BICC1: variants seen among roughly 807,000 people sequenced by gnomAD.
The protein encoded by BICC1 is protein bicaudal C homolog 1.
Under a neutral mutation model 111.0 loss-of-function variants are expected in BICC1, and 43 were observed. The observed-to-expected ratio is 0.39, with a 90% confidence interval of 0.30 to 0.50. BICC1 has a LOEUF of 0.50. Ranked by LOEUF, BICC1 falls within the 20% of genes least tolerant of loss-of-function variation. BICC1 has a pLI of 0.88. For missense variants in BICC1, 1,091 were observed against 1,203.2 expected (o/e 0.91, Z 1.38); for synonymous variants, 467 against 434.4 (o/e 1.07, Z -0.93).
intron 1 of BICC1, among the ~76,000 whole-genome samples, chr10:58,521,761 A>G (rs1475540750): frequency 1.6e-5 from 2 of 122,176 alleles, no homozygotes; most frequent in Non-Finnish European, 3.3e-5. Context: ...CAGCCAGGGA[A>G]TGTGGTGTTT....
intron 1 of BICC1, among the ~76,000 whole-genome samples, chr10:58,611,905 G>T (rs1444926416): frequency 6.6e-6 from 1 of 152,128 alleles, no homozygotes; most frequent in African/African-American, 2.4e-5. Context: ...GAAGAAGAAA[G>T]CCATCCTTAA....
intron 3 of BICC1, among the ~76,000 whole-genome samples, chr10:58,755,322 G>A (rs1842114643): frequency 6.6e-6 from 1 of 152,182 alleles, no homozygotes; most frequent in South Asian, 2.1e-4. Context: ...GGTCACCTTA[G>A]GGGAAAGGCT....
intron 3 of BICC1, among the ~76,000 whole-genome samples, chr10:58,739,727 A>G (rs966553466): frequency 6.6e-6 from 1 of 152,164 alleles, no homozygotes; most frequent in East Asian, 1.9e-4. Context: ...ATCTATATAT[A>G]GATATATGTA....
chr10:58,584,539 T>C (rs551655984), intron 1 of BICC1, among the ~76,000 whole-genome samples: 10 of 152,336 alleles, frequency 6.6e-5, no homozygotes, highest in African/African-American at 2.2e-4. Flanking sequence ...GGATCATGGC[T>C]GGGATGCTAT....
intron 2 of BICC1, among the ~76,000 whole-genome samples, chr10:58,687,569 G>A (rs1449772662): frequency 6.6e-6 from 1 of 152,118 alleles, no homozygotes; most frequent in African/African-American, 2.4e-5. Context: ...CTCAGCAATG[G>A]TAGACACCCC....
intron 3 of BICC1, among the ~76,000 whole-genome samples, chr10:58,743,706 G>T (rs1841742323): frequency 1.3e-5 from 2 of 151,368 alleles, no homozygotes; most frequent in African/African-American, 4.9e-5. Context: ...AGGTTGGTAT[G>T]CTATAGAGTC....
At chr10:58,618,224 C>T (rs1316172321) in intron 1 of BICC1, among the ~76,000 whole-genome samples, 1 of 152,178 alleles carries the variant, frequency 6.6e-6, no homozygotes, top group Non-Finnish European at 1.5e-5. Context: ...AGGCCTATGT[C>T]TCCCTTGGCC....
Position 58,829,130 on chromosome 10 carries a change from C to T in BICC1, c.*239C>T. 1 of 321,066 alleles carries T rather than the reference C, an allele frequency of 3.1e-6. No homozygotes were observed. The highest frequency in any genetic ancestry group is 5.6e-6 in the Non-Finnish European group (1 of 178,940). 19.9% of individuals were successfully genotyped at this position (321,066 alleles called of 1,614,324 possible). A position where few individuals can be genotyped will look rare whatever the true frequency, so the allele number is the denominator to read the frequency against. On this transcript the variant is annotated 3_prime_UTR_variant, in exon 21 of 21. Transcript: ENST00000373886. ...TAAAATGGCAGTTGGACAGAATTTG[C>T]AATATAAGGATAGGGCTTTATTTCC...
At chr10:58,685,768 A>G (rs918706503) in intron 2 of BICC1, among the ~76,000 whole-genome samples, 7 of 152,132 alleles carry the variant, frequency 4.6e-5, no homozygotes, top group African/African-American at 1.4e-4. Context: ...GTCTCTGCAC[A>G]TGAGATGGGT....
intron 1 of BICC1, among the ~76,000 whole-genome samples, chr10:58,547,631 C>T (rs1457874488): frequency 2.0e-5 from 3 of 152,122 alleles, no homozygotes; most frequent in Admixed American, 1.3e-4. Flanking sequence ...AATTCTTCTG[C>T]ATAAGAGATT....
At chr10:58,522,723 T>G (rs1035531612) in intron 1 of BICC1, among the ~76,000 whole-genome samples, 12 of 151,636 alleles carry the variant, frequency 7.9e-5, no homozygotes, top group Admixed American at 7.2e-4. Context: ...CTGAAGGAAA[T>G]AGAGACACAA....
chr10:58,579,215 C>A (rs573932431), intron 1 of BICC1, among the ~76,000 whole-genome samples: 1 of 152,110 alleles, frequency 6.6e-6, no homozygotes, highest in Non-Finnish European at 1.5e-5. Context: ...GGCTTCCTTG[C>A]GACATTCCTT....
intron 1 of BICC1, among the ~76,000 whole-genome samples, chr10:58,607,629 CTT>C (rs1355495397): frequency 6.6e-6 from 1 of 152,088 alleles, no homozygotes; most frequent in Admixed American, 6.5e-5. Flanking sequence ...ACTTTCTTCT[CTT>C]TGTCATTTCC....
rs1840762871 is a variant in BICC1, at chr10:58,716,903, T to C, written c.307+14760T>C. On this transcript the variant is annotated intron_variant, in intron 3 of 20. Transcript: ENST00000373886. ...AGGTCAGAGCTGGCTACCAGCAGTC[T>C]TGCCCTTTACTGAGCTTAGTGTCAT... Among the ~76,000 whole-genome samples, 5 of 151,426 alleles carry C rather than the reference T, an allele frequency of 3.3e-5. No individual in the cohort carries two copies. The South Asian group carries it at 1.0e-3, about 31-fold the overall frequency.
intron 1 of BICC1, among the ~76,000 whole-genome samples, chr10:58,556,151 A>G (rs1023139841): frequency 1.8e-4 from 28 of 152,192 alleles, no homozygotes; most frequent in African/African-American, 5.8e-4. Flanking sequence ...GTTGAGTTTA[A>G]AATGCTAGTC....
intron 1 of BICC1, among the ~76,000 whole-genome samples, chr10:58,517,106 A>G (rs1212643778): frequency 6.6e-6 from 1 of 152,232 alleles, no homozygotes; most frequent in African/African-American, 2.4e-5. Flanking sequence ...AATTTCCCAT[A>G]TAAAATTCAG....
At chr10:58,630,665 C>T (rs1192016801) in intron 2 of BICC1, among the ~76,000 whole-genome samples, 1 of 152,104 alleles carries the variant, frequency 6.6e-6, no homozygotes, top group African/African-American at 2.4e-5. Flanking sequence ...CTCTACAAGG[C>T]CTAAATCATG....
At chr10:58,586,733 A>C (rs1272126167) in intron 1 of BICC1, among the ~76,000 whole-genome samples, 1 of 152,210 alleles carries the variant, frequency 6.6e-6, no homozygotes, top group East Asian at 1.9e-4. Flanking sequence ...ATATACATGC[A>C]AATGAATATA....
At position 58,706,093 on chromosome 10, in the gene BICC1, A is replaced by G. The variant is rs140836090; in HGVS notation, c.307+3950A>G. On this transcript the variant is annotated intron_variant, in intron 3 of 20. Coordinates refer to ENST00000373886, the MANE Select transcript of BICC1 (RefSeq NM_001080512.3). ...TTCTGACTCTTAGATTGAGAATACT[A>G]GAACAGTCTCCTTTACATTGAAAAA... 1.3e-3 allele frequency among the ~76,000 whole-genome samples: 205 copies of G among 152,326 alleles called. 1 individual carries two copies. The highest frequency in any genetic ancestry group is 4.1e-3 in the African/African-American group (170 of 41,574).
Sources: allele counts gnomAD v4.1 joint callset (sites outside exome capture counted in the v4.1 genomes callset), GRCh38; gene constraint gnomAD v4.1.1; transcripts MANE v1.5; gene names NCBI Gene and HGNC (gene_info 2026-07-23, HGNC 2026-07-21).